The following PPARGC1A variants were observed in gnomAD, a reference collection of about 807,000 sequenced individuals.
PPARGC1A encodes the protein peroxisome proliferator-activated receptor gamma coactivator 1-alpha.
In PPARGC1A, 25 loss-of-function variants were observed where a neutral mutation model predicts 88.7. That is an observed-to-expected ratio of 0.28 (90% CI 0.21 to 0.39). The LOEUF is 0.39. Ranked by LOEUF, PPARGC1A falls within the 10% of genes least tolerant of loss-of-function variation. PPARGC1A has a pLI of 1.00. For synonymous variants in PPARGC1A, 363 were observed against 355.6 expected (o/e 1.02, Z -0.24); for missense variants, 880 against 968.7 (o/e 0.91, Z 1.22).
chr4:24,304,201 G>A, the PPARGC1A span, among the ~76,000 whole-genome samples: 1 of 152,166 alleles, frequency 6.6e-6, no homozygotes, highest in African/African-American at 2.4e-5. Flanking sequence ...CTGCTTGTGT[G>A]GCAATGGGGC....
chr4:23,881,630 C>G (rs1251555507), intron 2 of PPARGC1A: 1 of 152,180 alleles, frequency 6.6e-6, no homozygotes, highest in Non-Finnish European at 1.5e-5. Context: ...AGTCGATGGC[C>G]AGTTTCCAGT....
the PPARGC1A span, among the ~76,000 whole-genome samples, chr4:24,333,417 G>T: frequency 6.6e-6 from 1 of 152,058 alleles, no homozygotes; most frequent in African/African-American, 2.4e-5. Flanking sequence ...TTACCTGTTT[G>T]TTCCAAATAC....
the PPARGC1A span, among the ~76,000 whole-genome samples, chr4:24,085,141 G>T: frequency 6.6e-5 from 10 of 151,462 alleles, no homozygotes; most frequent in Non-Finnish European, 1.0e-4. Flanking sequence ...CCTTCCCTGA[G>T]AACAGGAAAC....
the PPARGC1A span, among the ~76,000 whole-genome samples, chr4:23,952,530 C>G: frequency 6.6e-6 from 1 of 152,086 alleles, no homozygotes; most frequent in Non-Finnish European, 1.5e-5. Context: ...CACCATAACT[C>G]CAGTTCTCAT....
At chr4:24,447,075 C>A in the PPARGC1A span, among the ~76,000 whole-genome samples, 263 of 152,254 alleles carry the variant, frequency 1.7e-3, 1 homozygote, top group African/African-American at 5.8e-3. Context: ...CTTAGAGACA[C>A]CCTGGAATTC....
upstream of PPARGC1A, among the ~76,000 whole-genome samples, chr4:23,901,196 T>C (rs927167361): frequency 6.6e-6 from 1 of 151,978 alleles, no homozygotes; most frequent in Non-Finnish European, 1.5e-5. Flanking sequence ...TGAAACCCCA[T>C]CTCTACTAAA....
chr4:23,976,795 C>T, the PPARGC1A span, among the ~76,000 whole-genome samples: 1 of 152,176 alleles, frequency 6.6e-6, no homozygotes, highest in African/African-American at 2.4e-5. Flanking sequence ...CCTGCTGGCA[C>T]CTTGAGCTTG....
the PPARGC1A span, among the ~76,000 whole-genome samples, chr4:24,339,555 A>G: frequency 5.9e-5 from 9 of 152,038 alleles, no homozygotes; most frequent in South Asian, 2.1e-4. Context: ...CCTGCGCTCA[A>G]TTAATGCCCG....
the PPARGC1A span, among the ~76,000 whole-genome samples, chr4:24,235,183 AG>A: frequency 2.6e-5 from 4 of 152,200 alleles, no homozygotes; most frequent in African/African-American, 4.8e-5. Context: ...CTTAAATCCT[AG>A]GGGGGTGGTG....
the PPARGC1A span, among the ~76,000 whole-genome samples, chr4:24,282,046 T>A: frequency 6.6e-6 from 1 of 151,564 alleles, no homozygotes; most frequent in African/African-American, 2.4e-5. Flanking sequence ...TTATAGGATG[T>A]TTATTACATC....
the PPARGC1A span, among the ~76,000 whole-genome samples, chr4:24,173,021 T>TA: frequency 6.6e-6 from 1 of 152,346 alleles, no homozygotes; most frequent in African/African-American, 2.4e-5. Flanking sequence ...TTAGTACCTC[T>TA]AATCTTTGCC....
the PPARGC1A span, among the ~76,000 whole-genome samples, chr4:24,006,595 T>G: frequency 2.0e-5 from 3 of 152,208 alleles, no homozygotes. Flanking sequence ...TTGGACAGCT[T>G]TTTGGAAAAC....
chr4:24,035,028 T>C, the PPARGC1A span, among the ~76,000 whole-genome samples: 1 of 152,150 alleles, frequency 6.6e-6, no homozygotes. Context: ...TTTTTCAGAT[T>C]GTAATCTCCA....
chr4:24,011,071 C>T, the PPARGC1A span, among the ~76,000 whole-genome samples: 2 of 152,122 alleles, frequency 1.3e-5, no homozygotes, highest in African/African-American at 2.4e-5. Flanking sequence ...TTTGCAGATT[C>T]CAGAACAAAT....
At chr4:24,357,808 CTT>C in the PPARGC1A span, among the ~76,000 whole-genome samples, 2 of 152,194 alleles carry the variant, frequency 1.3e-5, no homozygotes, top group African/African-American at 4.8e-5. Context: ...CATTTTCTCT[CTT>C]GTCTGCCGCC....
chr4:24,353,192 C>CTTT, the PPARGC1A span, among the ~76,000 whole-genome samples: 141 of 144,178 alleles, frequency 9.8e-4, 2 homozygotes, highest in South Asian at 2.5e-3. Context: ...AATAATCAAT[C>CTTT]TTTTTTTTTT....
the PPARGC1A span, among the ~76,000 whole-genome samples, chr4:24,439,043 A>G: frequency 6.6e-6 from 1 of 152,162 alleles, no homozygotes; most frequent in Non-Finnish European, 1.5e-5. Context: ...GATACAAAAT[A>G]AATTGACATA....
the PPARGC1A span, among the ~76,000 whole-genome samples, chr4:24,357,136 G>A: frequency 0.38 from 57,254 of 151,952 alleles, 11,125 homozygotes; most frequent in Non-Finnish European, 0.41. Context: ...CCATAGCAGG[G>A]ACTTGCTCAT....
chr4:23,946,441 G>A, the PPARGC1A span, among the ~76,000 whole-genome samples: 2 of 152,062 alleles, frequency 1.3e-5, no homozygotes. Context: ...AGAGCCGTAC[G>A]CAGATTCAGA....
Sources: gnomAD v4.1 joint callset for allele counts (sites outside exome capture counted in the v4.1 genomes callset) on GRCh38, gnomAD v4.1.1 for gene constraint, MANE v1.5 for transcripts, NCBI Gene and HGNC (gene_info 2026-07-23, HGNC 2026-07-21) for gene names.